SLC23A2: variants seen among roughly 807,000 people sequenced by gnomAD.
SLC23A2 encodes the protein solute carrier family 23 member 2.
In SLC23A2, 36 loss-of-function variants were observed where a neutral mutation model predicts 73.3. The observed-to-expected ratio is 0.49, with a 90% confidence interval of 0.38 to 0.65. SLC23A2 has a LOEUF of 0.65. SLC23A2 is among the 30% of genes least tolerant of loss of function. The pLI is 0.00. For missense variants in SLC23A2, 507 were observed against 841.6 expected, an observed-to-expected ratio of 0.60 and a Z score of 4.92; for synonymous variants, 343 against 327.3, an observed-to-expected ratio of 1.05 and a Z score of -0.52.
rs1385065174 is a variant in SLC23A2, at chr20:4,852,478, A to G, written c.*4494T>C. ...TATTACATATTTTTAAAATACTTAA[A>G]CGTTTAATGAAGCCATGTTAGAAAA... On this transcript the variant is annotated 3_prime_UTR_variant, in exon 17 of 17. Transcript: ENST00000338244. The surrounding 1 kb of genome is among the most constrained non-coding windows in gnomAD (Gnocchi z 4.3). The G allele has an allele frequency of 6.6e-6, 1 of 152,614 alleles. No individual in the cohort carries two copies. The highest frequency in any genetic ancestry group is 1.5e-5 in the Non-Finnish European group (1 of 68,044). The allele number at this position is 152,614 out of a possible 1,614,324, so 9.5% of individuals were successfully genotyped here.
chr20:4,962,397 G>A (rs1300734141), intron 2 of SLC23A2, among the ~76,000 whole-genome samples: 1 of 152,250 alleles, frequency 6.6e-6, no homozygotes, highest in East Asian at 1.9e-4. Flanking sequence ...GGACTGGGGA[G>A]GCAAGAGGAA....
At position 4,999,999 on chromosome 20, in the gene SLC23A2, C is replaced by T. The variant is rs552211027; in HGVS notation, c.-282+1407G>A. Among the ~76,000 whole-genome samples the T allele has an allele frequency of 6.6e-5, 10 of 152,268 alleles. No homozygotes were observed. In the East Asian group the frequency reaches 1.9e-3, roughly 29 times the overall value. On this transcript the variant is annotated intron_variant, in intron 1 of 16. Transcript: ENST00000338244. ...TGGAACAGGCTGGACACACCTGCTG[C>T]CTCCCTTTAACTAGCAGGTGTGCCA...
intron 1 of SLC23A2, among the ~76,000 whole-genome samples, chr20:4,991,067 G>A (rs1043824448): frequency 6.6e-6 from 1 of 152,028 alleles, no homozygotes; most frequent in African/African-American, 2.4e-5. Flanking sequence ...TAGCGGGTGG[G>A]AGGGAGGTGT....
intron 6 of SLC23A2, among the ~76,000 whole-genome samples, chr20:4,898,135 G>C (rs1330172322): frequency 6.6e-6 from 1 of 152,324 alleles, no homozygotes; most frequent in East Asian, 1.9e-4. Context: ...CCTTCCCCTA[G>C]TCGGTCAGTG....
At chr20:4,930,568 C>T (rs1373800980) in intron 3 of SLC23A2, among the ~76,000 whole-genome samples, 1 of 152,126 alleles carries the variant, frequency 6.6e-6, no homozygotes, top group Non-Finnish European at 1.5e-5. Flanking sequence ...CCTGTAATCC[C>T]AGCATTTTGG....
At chr20:4,861,862 G>T in intron 15 of SLC23A2, 86 bp downstream of exon 15, 1 of 1,431,946 alleles carries the variant, frequency 7.0e-7, no homozygotes, top group Non-Finnish European at 9.6e-7. Flanking sequence ...GAGGCCCAAA[G>T]TCCTCTCCAA....
At chr20:4,948,070 G>A (rs771484182) in intron 2 of SLC23A2, among the ~76,000 whole-genome samples, 1 of 152,122 alleles carries the variant, frequency 6.6e-6, no homozygotes, top group South Asian at 2.1e-4. Flanking sequence ...GCCTCAGTAG[G>A]GCACTTGGTC....
chr20:4,972,922 G>T (rs2087587596), intron 1 of SLC23A2, among the ~76,000 whole-genome samples: 3 of 152,118 alleles, frequency 2.0e-5, no homozygotes, highest in Non-Finnish European at 4.4e-5. Flanking sequence ...TGTCAGAAGG[G>T]AGGCACAAAG....
In SLC23A2 at chr20:4,986,771, A is replaced by C. The variant is rs1314404879; in HGVS notation, c.-282+14635T>G. 2.0e-5 allele frequency among the ~76,000 whole-genome samples: 3 copies of C among 151,984 alleles called. No homozygotes were observed. In the East Asian group the frequency reaches 5.8e-4, roughly 29 times the overall value. On this transcript the variant is annotated intron_variant, in intron 1 of 16. Transcript: ENST00000338244. ...ATATTTTAGCAGTTGACCGTATTCA[A>C]GAAATAAAACAGTAAGTGTGAGATC...
At chr20:4,881,281 G>A (rs185725663) in intron 9 of SLC23A2, among the ~76,000 whole-genome samples, 18 of 152,160 alleles carry the variant, frequency 1.2e-4, no homozygotes, top group Admixed American at 1.2e-3. Flanking sequence ...TAAGTATCGA[G>A]TTTACAGGTC....
In SLC23A2 at chr20:4,993,417, A is replaced by AAAAAAAG. The variant is rs1344124955; in HGVS notation, c.-282+7988_-282+7989insCTTTTTT. Among the ~76,000 whole-genome samples, 165 of 151,714 alleles carry AAAAAAAG rather than the reference A, an allele frequency of 1.1e-3. 1 individual carries two copies. Among genetic ancestry groups the AAAAAAAG allele is most frequent in the Non-Finnish European group, 1.7e-3 (116 of 67,914 alleles). ...GCAAATATGCCAAAATCCGAAAAAA[A>AAAAAAAG]AAAAAGAAAAAAAGAAACCCAAAAT... On this transcript the variant is annotated intron_variant, in intron 1 of 16. Coordinates refer to ENST00000338244, the MANE Select transcript of SLC23A2 (RefSeq NM_005116.6).
In SLC23A2 at chr20:4,868,098, T is replaced by TA. The variant is rs1930280792; in HGVS notation, c.1251-224dup. Among the ~76,000 whole-genome samples, 2 of 123,852 alleles carry TA rather than the reference T, an allele frequency of 1.6e-5. No homozygotes were observed. Among genetic ancestry groups the TA allele is most frequent in the Non-Finnish European group, 3.3e-5 (2 of 60,514 alleles). 81.3% of individuals were successfully genotyped at this position (123,852 alleles called of 152,430 possible). A position where few individuals can be genotyped will look rare whatever the true frequency, so the allele number is the denominator to read the frequency against. ...TTTTTTTTTTTTTTTTTTTTTTTTT[T>TA]AGAGAGTGTCTCACTCCGTCACCTA... On this transcript the variant is annotated intron_variant, in intron 12 of 16. Transcript: ENST00000338244. The surrounding 1 kb of genome is among the most constrained non-coding windows in gnomAD (Gnocchi z 4.4).
chr20:4,901,078 A>G (rs1369756806), intron 5 of SLC23A2, among the ~76,000 whole-genome samples: 1 of 152,178 alleles, frequency 6.6e-6, no homozygotes, highest in African/African-American at 2.4e-5. Context: ...AACATTTATA[A>G]GATAAACATT....
chr20:4,899,453 C>A lies in SLC23A2; in HGVS notation c.482+102G>T. The A allele has an allele frequency of 7.3e-7, 1 of 1,367,228 alleles. No individual in the cohort carries two copies. Among genetic ancestry groups the A allele is most frequent in the Non-Finnish European group, 1.0e-6 (1 of 970,006 alleles). 84.7% of individuals were successfully genotyped at this position (1,367,228 alleles called of 1,614,324 possible). On this transcript the variant is annotated intron_variant, in intron 6 of 16. Transcript: ENST00000338244. The surrounding 1 kb of genome is among the most constrained non-coding windows in gnomAD (Gnocchi z 4.9). ...ACTAGGACATTCCCGTGCCTCCATTCTGTCCTTGCCAACAGCCCTAGGCAA... is the reference window on the plus strand; with the variant it reads ...ACTAGGACATTCCCGTGCCTCCATTATGTCCTTGCCAACAGCCCTAGGCAA...
At chr20:4,886,191 C>T (rs1042966178) in intron 6 of SLC23A2, among the ~76,000 whole-genome samples, 1 of 152,358 alleles carries the variant, frequency 6.6e-6, no homozygotes, top group Middle Eastern at 3.4e-3. Context: ...GCCATCACCA[C>T]CTTTCCTCTT....
chr20:4,932,626 G>A lies in SLC23A2; in HGVS notation c.-64C>T, dbSNP rs1242000313. 3 of 907,100 alleles carry A rather than the reference G, an allele frequency of 3.3e-6. No individual in the cohort carries two copies. Among genetic ancestry groups the A allele is most frequent in the Non-Finnish European group, 5.6e-6 (3 of 537,646 alleles). 56.2% of individuals were successfully genotyped at this position (907,100 alleles called of 1,614,324 possible). On this transcript the variant is annotated 5_prime_UTR_variant, in exon 3 of 17. Transcript: ENST00000338244. ...CAGCTGGAAGTGAAGGCTTATTCAA[G>A]CTAGGAGCCCAGGATCAGCCGGCTC... is the stretch of plus-strand genomic sequence containing the variant.
intron 6 of SLC23A2, among the ~76,000 whole-genome samples, chr20:4,888,741 A>G (rs1199844751): frequency 3.9e-5 from 6 of 152,230 alleles, no homozygotes; most frequent in Non-Finnish European, 7.3e-5. Context: ...CTCCTCCAGC[A>G]AATATTCCAG....
chr20:5,007,067 C>T (rs1237462920), intron 1 of SLC23A2, among the ~76,000 whole-genome samples: 2 of 152,004 alleles, frequency 1.3e-5, no homozygotes, highest in South Asian at 2.1e-4. Flanking sequence ...AAACATCCAT[C>T]GATCAGGGAA....
At chr20:4,991,185 G>A (rs2087918203) in intron 1 of SLC23A2, among the ~76,000 whole-genome samples, 1 of 151,986 alleles carries the variant, frequency 6.6e-6, no homozygotes, top group African/African-American at 2.4e-5. Context: ...ACAACTCACT[G>A]CAGCCTTGAA....
Sources: gnomAD v4.1 joint callset for allele counts (sites outside exome capture counted in the v4.1 genomes callset) on GRCh38, gnomAD v4.1.1 for gene constraint, Gnocchi (gnomAD v3.1) non-coding constraint, MANE v1.5 for transcripts, NCBI Gene and HGNC (gene_info 2026-07-23, HGNC 2026-07-21) for gene names.